Variants in MYOF observed in about 807,000 individuals in gnomAD.
MYOF encodes myoferlin.
In MYOF, 244 loss-of-function variants were observed where a neutral mutation model predicts 284.2. The observed-to-expected ratio is 0.86, with a 90% CI of 0.77 to 0.95. MYOF has a LOEUF of 0.95. Ranked by LOEUF, MYOF falls within the 40% of genes least tolerant of loss-of-function variation. The pLI is 0.00. For synonymous variants in MYOF, 904 were observed against 919.7 expected (o/e 0.98, Z 0.31); for missense variants, 2,496 against 2,560.6 (o/e 0.97, Z 0.54).
chr10:93,456,016 T>C (rs141387797), intron 2 of MYOF, among the ~76,000 whole-genome samples: 3 of 152,300 alleles, frequency 2.0e-5, no homozygotes, highest in East Asian at 3.9e-4. Context: ...AAAATAGATA[T>C]AAGGTCGACA....
chr10:93,397,040 T>A (rs1224386075), intron 15 of MYOF: 4 of 470,044 alleles, frequency 8.5e-6, no homozygotes, highest in Non-Finnish European at 1.1e-5. Context: ...CTTTTGTTTA[T>A]GAGCAGTTGA....
intron 32 of MYOF, among the ~76,000 whole-genome samples, chr10:93,353,535 G>C (rs565930225): frequency 6.6e-6 from 1 of 152,222 alleles, no homozygotes; most frequent in African/African-American, 2.4e-5. Context: ...ACAGAGATGA[G>C]AAATCACTTT....
intron 31 of MYOF, among the ~76,000 whole-genome samples, chr10:93,354,773 T>C (rs1487198923): frequency 6.6e-6 from 1 of 151,568 alleles, no homozygotes; most frequent in Non-Finnish European, 1.5e-5. Flanking sequence ...TTCAAATCTC[T>C]CTAGTGCTTA....
At chr10:93,388,857 T>C (rs1008411694) in intron 18 of MYOF, among the ~76,000 whole-genome samples, 173 bp downstream of exon 18, 3 of 152,238 alleles carry the variant, frequency 2.0e-5, no homozygotes, top group Admixed American at 1.3e-4. Context: ...GAAATGGCCA[T>C]TGGCCATTGG....
At chr10:93,311,918 G>C (rs1000634988) in intron 51 of MYOF, among the ~76,000 whole-genome samples, 6 of 152,216 alleles carry the variant, frequency 3.9e-5, no homozygotes, top group African/African-American at 1.4e-4. Flanking sequence ...AAGCAGGTCA[G>C]TGGTTTCCTG....
intron 16 of MYOF, among the ~76,000 whole-genome samples, chr10:93,395,173 G>A (rs117729215): frequency 0.043 from 6,562 of 152,036 alleles, 197 homozygotes; most frequent in Middle Eastern, 0.078. Context: ...GGCTGGACAC[G>A]GTGGCTCACG....
At chr10:93,383,187 G>A (rs1199140926) in intron 19 of MYOF, among the ~76,000 whole-genome samples, 7 of 152,116 alleles carry the variant, frequency 4.6e-5, no homozygotes, top group African/African-American at 1.7e-4. Context: ...ATGAGCCACC[G>A]TGCCTGGCTG....
intron 3 of MYOF, among the ~76,000 whole-genome samples, chr10:93,442,586 A>G (rs574119178): frequency 6.6e-6 from 1 of 152,164 alleles, no homozygotes; most frequent in African/African-American, 2.4e-5. Flanking sequence ...GGCAAAACAG[A>G]TGCCTTGCTT....
chr10:93,388,793 G>A (rs1452608747), intron 18 of MYOF, among the ~76,000 whole-genome samples: 2 of 152,210 alleles, frequency 1.3e-5, no homozygotes, highest in African/African-American at 2.4e-5. Context: ...GGGCTTATTA[G>A]GAAAGAGAGC....
intron 1 of MYOF, among the ~76,000 whole-genome samples, chr10:93,466,235 G>A (rs542705452): frequency 7.6e-4 from 115 of 152,288 alleles, no homozygotes; most frequent in African/African-American, 2.7e-3. Flanking sequence ...CTGCCCTATC[G>A]TTCCAGGAAG....
At chr10:93,377,104 T>G (rs914954658) in intron 22 of MYOF, among the ~76,000 whole-genome samples, 8 of 152,104 alleles carry the variant, frequency 5.3e-5, no homozygotes, top group Non-Finnish European at 1.0e-4. Context: ...GGCCTCAGCC[T>G]CCCTAGGCTA....
chr10:93,432,779 C>A (rs1034348790), intron 3 of MYOF, among the ~76,000 whole-genome samples: 3 of 152,168 alleles, frequency 2.0e-5, no homozygotes, highest in Non-Finnish European at 4.4e-5. Context: ...ATGAGGAAAG[C>A]CCCCTCGACT....
chr10:93,344,145 A>G (rs1261240962), intron 37 of MYOF, among the ~76,000 whole-genome samples: 1 of 152,206 alleles, frequency 6.6e-6, no homozygotes, highest in African/African-American at 2.4e-5. Context: ...GACATTTTCT[A>G]GGGGATTATA....
At chr10:93,437,079 C>T (rs1303118289) in intron 3 of MYOF, among the ~76,000 whole-genome samples, 1 of 152,158 alleles carries the variant, frequency 6.6e-6, no homozygotes, top group Non-Finnish European at 1.5e-5. Flanking sequence ...CAGTCATGCT[C>T]CTTTGTCTTT....
intron 25 of MYOF, among the ~76,000 whole-genome samples, chr10:93,366,983 A>G (rs1283890877): frequency 2.0e-5 from 3 of 152,220 alleles, no homozygotes; most frequent in Non-Finnish European, 4.4e-5. Flanking sequence ...ATTTATTTGT[A>G]AGTCTACTGC....
Position 93,307,105 on chromosome 10 carries a change from A to ATTCT in MYOF, c.6148-108_6148-105dup, listed in dbSNP as rs927245735. ...AAAAATTGACATTTTGAACCAGATG[A>ATTCT]TTCTTTCTTGTTGGGGAGTGTCCTG... On this transcript the variant is annotated intron_variant, in intron 53 of 53. Coordinates refer to ENST00000359263, the MANE Select transcript of MYOF (RefSeq NM_013451.4). 4 of 1,096,124 alleles carry ATTCT rather than the reference A, an allele frequency of 3.6e-6. No individual in the cohort carries two copies. The African/African-American group carries it at 4.7e-5, about 13-fold the overall frequency. 67.9% of individuals were successfully genotyped at this position (1,096,124 alleles called of 1,614,324 possible). A position where few individuals can be genotyped will look rare whatever the true frequency, so the allele number is the denominator to read the frequency against.
At position 93,399,480 on chromosome 10, in the gene MYOF, G is replaced by C. The variant is rs747056178; in HGVS notation, c.1133C>G (p.Ser378Ter). Residue 378 changes from serine (S) to a stop codon, truncating the protein, a stop_gained, in exon 13 of 54, where the codon TCA becomes TGA. Coordinates refer to ENST00000359263, the MANE Select transcript of MYOF (RefSeq NM_013451.4). LOFTEE classifies it high-confidence loss of function. ...TCCAAATATTTCCTTTACTGTCTGTGAGAAGGCATCATCCACTGGAAGGTA... is the reference window on the plus strand; with the variant it reads ...TCCAAATATTTCCTTTACTGTCTGTCAGAAGGCATCATCCACTGGAAGGTA... ...EDIPQMDDAFSQTVKEIFGGN... is the reference protein window; with the variant it reads ...EDIPQMDDAF 6.2e-7 allele frequency: 1 copy of C among 1,612,022 alleles called. No individual in the cohort carries two copies. The highest frequency in any genetic ancestry group is 8.5e-7 in the Non-Finnish European group (1 of 1,178,718).
intron 1 of MYOF, among the ~76,000 whole-genome samples, chr10:93,481,521 TC>T (rs1421225981): frequency 6.6e-6 from 1 of 152,158 alleles, no homozygotes; most frequent in Non-Finnish European, 1.5e-5. Flanking sequence ...TGTCCAGAGT[TC>T]TTTCCTCAAT....
At chr10:93,311,391 C>A (rs1327989811) in intron 51 of MYOF, among the ~76,000 whole-genome samples, 2 of 151,482 alleles carry the variant, frequency 1.3e-5, no homozygotes, top group Non-Finnish European at 2.9e-5. Flanking sequence ...GGGAGGATCA[C>A]CTGAGGTCAG....
Sources: allele counts gnomAD v4.1 joint callset (sites outside exome capture counted in the v4.1 genomes callset), GRCh38; gene constraint gnomAD v4.1.1; transcripts MANE v1.5; gene names NCBI Gene and HGNC (gene_info 2026-07-23, HGNC 2026-07-21).